Variants in CYP2E1 observed in about 807,000 individuals in gnomAD.
CYP2E1 encodes cytochrome P450 2E1.
A neutral mutation model predicts 42.9 loss-of-function variants in CYP2E1; 31 were observed. That is an observed-to-expected ratio of 0.72 (90% CI 0.54 to 0.98). The LOEUF (loss-of-function observed/expected upper bound fraction) is 0.98, where lower values mean the gene tolerates loss of function less well. Among genes scored for constraint, CYP2E1 ranks in the 50% least tolerant of loss-of-function variants. The pLI, the probability that CYP2E1 is intolerant of heterozygous loss-of-function variation, is 0.00. For missense variants in CYP2E1, 565 were observed against 633.2 expected, an observed-to-expected ratio of 0.89 and a Z score of 1.16; for synonymous variants, 244 against 248.9, an observed-to-expected ratio of 0.98 and a Z score of 0.19.
chr10:133,531,531 T>C, intron 2 of CYP2E1, 54 bp from the exon 3 acceptor site: 1 of 1,606,118 alleles, frequency 6.2e-7, no homozygotes, highest in Non-Finnish European at 8.5e-7. Flanking sequence ...CTGTAGCCCA[T>C]TTCTCCCCAA....
At chr10:133,530,747 G>A (rs1370307790) in intron 2 of CYP2E1, among the ~76,000 whole-genome samples, 1 of 152,194 alleles carries the variant, frequency 6.6e-6, no homozygotes, top group Non-Finnish European at 1.5e-5. Context: ...AAGACGGAGA[G>A]CGAGGGAGAG....
Position 133,532,263 on chromosome 10 carries a change from A to G in CYP2E1, c.627A>G (p.Leu209=), listed in dbSNP as rs774993741. ...LMYLFNENFH[L]LSTPWLQLYN... ...ATTTGTTTAATGAGAACTTCCACCT[A>G]CTCAGCACTCCCTGGCTCCAGGTGA... Residue 209 remains leucine (L), a synonymous_variant, in exon 4 of 9, where the codon CTA becomes CTG. Transcript: ENST00000252945. 1 of 1,613,092 alleles carries G rather than the reference A, an allele frequency of 6.2e-7. No individual in the cohort carries two copies. The highest frequency in any genetic ancestry group is 8.5e-7 in the Non-Finnish European group (1 of 1,179,306).
In CYP2E1 at chr10:133,531,589, C is replaced by A. The variant is rs1183618811; in HGVS notation, c.342C>A (p.Ile114=). ...PAFHAHRDRG[I]IFNNGPTWKD... ...CTGCTGGCCCCTCTGCCTTAGGAAT[C>A]ATTTTTAATAATGGACCTACCTGGA... The change falls in exon 3 of 9, where the codon ATC becomes ATA. Residue 114 remains isoleucine (I), a synonymous_variant. Transcript: ENST00000252945. 1 of 1,613,952 alleles carries A rather than the reference C, an allele frequency of 6.2e-7. No individual in the cohort carries two copies. Among genetic ancestry groups the A allele is most frequent in the African/African-American group, 1.3e-5 (1 of 74,898 alleles).
At chr10:133,538,467 T>A (rs1342663632) in intron 8 of CYP2E1, among the ~76,000 whole-genome samples, 1 of 152,186 alleles carries the variant, frequency 6.6e-6, no homozygotes. Flanking sequence ...CCTGTAGGCA[T>A]CACTGATGAG....
intron 3 of CYP2E1, 107 bp downstream of exon 3, chr10:133,531,841 A>T: frequency 8.3e-7 from 1 of 1,199,272 alleles, no homozygotes; most frequent in East Asian, 2.5e-5. Flanking sequence ...ACCTACGGAC[A>T]AGGAGAGGGT....
chr10:133,529,480 A>G (rs1028305658), intron 2 of CYP2E1, among the ~76,000 whole-genome samples: 3 of 152,208 alleles, frequency 2.0e-5, no homozygotes, highest in African/African-American at 7.2e-5. Flanking sequence ...GGAAGCCTCT[A>G]CTTCTTCCTG....
chr10:133,537,420 T>G, intron 7 of CYP2E1, 170 bp downstream of exon 7: 1 of 674,674 alleles, frequency 1.5e-6, no homozygotes, highest in East Asian at 2.8e-5. Context: ...CCAGGAGTGC[T>G]CACATTGGCC....
intron 5 of CYP2E1, among the ~76,000 whole-genome samples, chr10:133,533,333 T>C (rs957886042): frequency 1.3e-5 from 2 of 152,202 alleles, no homozygotes; most frequent in Non-Finnish European, 2.9e-5. Flanking sequence ...TCCTATGGCT[T>C]GTGGCTCAAG....
At chr10:133,531,835 A>G in intron 3 of CYP2E1, 101 bp downstream of exon 3, 2 of 1,259,280 alleles carry the variant, frequency 1.6e-6, no homozygotes, top group Non-Finnish European at 2.2e-6. Flanking sequence ...ACAGGGACCT[A>G]CGGACAAGGA....
At chr10:133,528,369 C>T in intron 1 of CYP2E1, 112 bp from the exon 2 acceptor site, 1 of 1,271,010 alleles carries the variant, frequency 7.9e-7, no homozygotes, top group South Asian at 1.4e-5. Flanking sequence ...TTCCCCACGT[C>T]CCTCTGGGTT....
chr10:133,528,124 C>T, intron 1 of CYP2E1: 1 of 247,652 alleles, frequency 4.0e-6, no homozygotes, highest in Non-Finnish European at 7.8e-6. Context: ...AGCTCGGGCT[C>T]CCGCGCCAGA....
intron 6 of CYP2E1, among the ~76,000 whole-genome samples, chr10:133,535,803 A>C (rs1461755327): frequency 6.6e-6 from 1 of 152,234 alleles, no homozygotes. Context: ...CTCTCACCAG[A>C]AATGGCTTCA....
At chr10:133,534,683 T>C (rs8192776) in intron 6 of CYP2E1, among the ~76,000 whole-genome samples, 93,321 of 151,978 alleles carry the variant, frequency 0.61, 33,201 homozygotes, top group Non-Finnish European at 0.8. Context: ...CTGAGTGGTG[T>C]GTGCCGCCCT....
chr10:133,530,586 G>A (rs575671028), intron 2 of CYP2E1, among the ~76,000 whole-genome samples: 5 of 152,164 alleles, frequency 3.3e-5, no homozygotes, highest in African/African-American at 7.2e-5. Context: ...CCCTGCAGGC[G>A]CCTCCCAGGA....
chr10:133,531,436 G>T (rs1851334511), intron 2 of CYP2E1, 149 bp from the exon 3 acceptor site: 3 of 950,206 alleles, frequency 3.2e-6, no homozygotes, highest in Non-Finnish European at 3.3e-6. Flanking sequence ...TCCCAGGCTG[G>T]GACACCCCTC....
intron 1 of CYP2E1, 130 bp from the exon 2 acceptor site, chr10:133,528,351 G>C (rs946092493): frequency 8.9e-7 from 1 of 1,121,832 alleles, no homozygotes; most frequent in African/African-American, 1.6e-5. Flanking sequence ...GCTGGACAAA[G>C]ACAGCTTTTC....
intron 6 of CYP2E1, among the ~76,000 whole-genome samples, chr10:133,535,465 C>T (rs1851385056): frequency 6.6e-6 from 1 of 152,204 alleles, no homozygotes; most frequent in Admixed American, 6.5e-5. Context: ...TGCCCCATCC[C>T]TGGCCTTTGC....
At chr10:133,533,628 T>A in intron 5 of CYP2E1, 128 bp from the exon 6 acceptor site, 1 of 1,076,376 alleles carries the variant, frequency 9.3e-7, no homozygotes, top group Non-Finnish European at 1.3e-6. Context: ...CAGCTCCAAG[T>A]CACAGTTCCA....
rs1206756990 is a variant in CYP2E1 at position 133,532,934 on chromosome 10, A to C, written c.825+66A>C. ...GCAGAGAATGCACAATTTCAGATTTACAGAGTGAGCTGCACTTGCTGGTGT... is the reference window on the plus strand; with the variant it reads ...GCAGAGAATGCACAATTTCAGATTTCCAGAGTGAGCTGCACTTGCTGGTGT... On this transcript the variant is annotated intron_variant, in intron 5 of 8. Coordinates refer to ENST00000252945, the MANE Select transcript of CYP2E1 (RefSeq NM_000773.4). 1.0e-5 allele frequency: 15 copies of C among 1,446,866 alleles called. No individual in the cohort carries two copies. In the Admixed American group the frequency reaches 3.4e-4, roughly 33 times the overall value. The allele number at this position is 1,446,866 out of a possible 1,614,324, so 89.6% of individuals were successfully genotyped here.
Sources: gnomAD v4.1 joint callset for allele counts (sites outside exome capture counted in the v4.1 genomes callset) on GRCh38, gnomAD v4.1.1 for gene constraint, MANE v1.5 for transcripts, NCBI Gene and HGNC (gene_info 2026-07-23, HGNC 2026-07-21) for gene names.